Variants in ELP1 observed in about 807,000 individuals in gnomAD.
The protein encoded by ELP1 is elongator complex protein 1.
Under a neutral mutation model 183.2 loss-of-function variants are expected in ELP1, and 131 were observed. The observed-to-expected ratio is 0.72, with a 90% CI of 0.62 to 0.83. The LOEUF (loss-of-function observed/expected upper bound fraction) is 0.83, where lower values mean the gene tolerates loss of function less well. Ranked by LOEUF, ELP1 falls within the 40% of genes least tolerant of loss-of-function variation. The pLI, the probability that ELP1 is intolerant of heterozygous loss-of-function variation, is 0.00. For synonymous variants in ELP1, 555 were observed against 569.0 expected, an observed-to-expected ratio of 0.98 and a Z score of 0.35; for missense variants, 1,550 against 1,594.9, an observed-to-expected ratio of 0.97 and a Z score of 0.48.
rs926236782 is a variant in ELP1, at chr9:108,878,204, G to A, written c.3701-55C>T. On this transcript the variant is annotated intron_variant, in intron 34 of 36. Coordinates refer to ENST00000374647, the MANE Select transcript of ELP1 (RefSeq NM_003640.5). Reference sequence around the variant, plus strand: ...AGTTATATTCCCAGCTCCATTGACAGAATCATACATAGCTTCTATCCAAAG... The same window carrying A: ...AGTTATATTCCCAGCTCCATTGACAAAATCATACATAGCTTCTATCCAAAG... 13 of 1,490,086 alleles carry A rather than the reference G, an allele frequency of 8.7e-6. No homozygotes were observed. The African/African-American group carries it at 1.2e-4, about 14-fold the overall frequency. The allele number at this position is 1,490,086 out of a possible 1,614,324, so 92.3% of individuals were successfully genotyped here.
chr9:108,874,262 G>C (rs1463333175), intron 36 of ELP1, among the ~76,000 whole-genome samples: 1 of 151,320 alleles, frequency 6.6e-6, no homozygotes, highest in Non-Finnish European at 1.5e-5. Context: ...GGCAAATACT[G>C]AAAGTCCCAA....
In ELP1 at chr9:108,912,753, G is replaced by GT. The variant is rs554750757; in HGVS notation, c.959-260dup. ...AACTTTTATTCATATGTTTATTTTC[G>GT]TTTTTTTTTTTTTTTTATTGACACA... is the stretch of plus-strand genomic sequence containing the variant. On this transcript the variant is annotated intron_variant, in intron 10 of 36. Coordinates refer to ENST00000374647, the MANE Select transcript of ELP1 (RefSeq NM_003640.5). 0.11 allele frequency among the ~76,000 whole-genome samples: 14,242 copies of GT among 132,682 alleles called. 1,131 individuals are homozygous for GT. The highest frequency in any genetic ancestry group is 0.23 in the African/African-American group (8,038 of 35,440). The allele number at this position is 132,682 out of a possible 152,430, so 87.0% of individuals were successfully genotyped here.
chr9:108,920,304 C>CG (rs1159877542), intron 6 of ELP1, among the ~76,000 whole-genome samples: 1 of 136,298 alleles, frequency 7.3e-6, no homozygotes, highest in Non-Finnish European at 1.6e-5. Flanking sequence ...TTTTTTGAGA[C>CG]GGAGTCTTGC....
intron 28 of ELP1, among the ~76,000 whole-genome samples, chr9:108,889,983 C>T (rs1359663743): frequency 6.6e-6 from 1 of 152,176 alleles, no homozygotes; most frequent in Non-Finnish European, 1.5e-5. Flanking sequence ...AGAGTGACTC[C>T]AGTGTGTAAC....
In ELP1 at chr9:108,897,912, C is replaced by T. The variant is rs1828619076; in HGVS notation, c.2363+590G>A. 2.0e-5 allele frequency among the ~76,000 whole-genome samples: 3 copies of T among 152,220 alleles called. No homozygotes were observed. The South Asian group carries it at 6.2e-4, about 32-fold the overall frequency. ...GACATTTCACTGTAGATAAATATGA[C>T]CTGAAAAAACACAACAAAACCAACC... On this transcript the variant is annotated intron_variant, in intron 22 of 36. Coordinates refer to ENST00000374647, the MANE Select transcript of ELP1 (RefSeq NM_003640.5).
rs762072332 is a variant in ELP1 at position 108,901,559 on chromosome 9, T to C, written c.1909-29A>G. ...CAAGAGAAGGCCAGAGAGGCATGGG[T>C]GAAAGCTAGCTAGATTACTCGGAGC... On this transcript the variant is annotated intron_variant, in intron 17 of 36. Transcript: ENST00000374647. The C allele has an allele frequency of 3.1e-6, 5 of 1,610,612 alleles. No homozygotes were observed. The African/African-American group carries it at 5.3e-5, about 17-fold the overall frequency.
At chr9:108,907,298 T>C (rs1829056860) in intron 13 of ELP1, among the ~76,000 whole-genome samples, 1 of 152,040 alleles carries the variant, frequency 6.6e-6, no homozygotes, top group African/African-American at 2.4e-5. Context: ...TCCCCATCAA[T>C]TTTTTTTAAA....
At position 108,926,567 on chromosome 9, in the gene ELP1, T is replaced by C. The variant is rs535050583; in HGVS notation, c.422A>G (p.Glu141Gly). The change falls in exon 5 of 37, where the codon GAG becomes GGG. Residue 141 changes from glutamate to glycine, a missense_variant. Physicochemically the swap from Glu to Gly is moderately conservative, Grantham distance 98. Coordinates refer to ENST00000374647, the MANE Select transcript of ELP1 (RefSeq NM_003640.5). ...ATGGATCTGCTGCTCCAGGATTGGCTCAAAATCTTTTGTCATCATAATCAG... is the reference window on the plus strand; with the variant it reads ...ATGGATCTGCTGCTCCAGGATTGGCCCAAAATCTTTTGTCATCATAATCAG... ...QTLIMMTKDFEPILEQQIHQD... is the reference protein window; with the variant it reads ...QTLIMMTKDFGPILEQQIHQD... 6.2e-7 allele frequency: 1 copy of C among 1,613,160 alleles called. No individual in the cohort carries two copies. Among genetic ancestry groups the C allele is most frequent in the African/African-American group, 1.3e-5 (1 of 75,046 alleles).
chr9:108,919,007 G>A, intron 7 of ELP1, 106 bp from the exon 8 acceptor site: 2 of 895,088 alleles, frequency 2.2e-6, no homozygotes, highest in South Asian at 2.8e-5. Flanking sequence ...AAACTGCCAT[G>A]GTTTTACATA....
At chr9:108,889,670 G>A (rs918303437) in intron 28 of ELP1, 3 of 486,986 alleles carry the variant, frequency 6.2e-6, no homozygotes, top group East Asian at 3.9e-5. Flanking sequence ...AAACCACTTC[G>A]TCCCTTAACA....
intron 10 of ELP1, among the ~76,000 whole-genome samples, chr9:108,912,848 G>A (rs768862911): frequency 2.0e-5 from 3 of 147,724 alleles, no homozygotes; most frequent in South Asian, 2.3e-4. Context: ...TCCATCTCCC[G>A]GGTTCATGCC....
intron 10 of ELP1, 132 bp downstream of exon 10, chr9:108,916,072 T>A (rs1458170572): frequency 2.6e-6 from 2 of 772,498 alleles, no homozygotes; most frequent in East Asian, 2.5e-5. Context: ...ACCACCCCCA[T>A]TTCCACCTAC....
intron 34 of ELP1, among the ~76,000 whole-genome samples, 193 bp from the exon 35 acceptor site, chr9:108,878,342 G>A (rs1317552686): frequency 6.6e-6 from 1 of 152,134 alleles, no homozygotes; most frequent in Admixed American, 6.5e-5. Context: ...AAGCACGCTG[G>A]GGGGCCTACG....
chr9:108,907,947 T>C (rs1310996332), intron 13 of ELP1, among the ~76,000 whole-genome samples: 1 of 152,166 alleles, frequency 6.6e-6, no homozygotes. Flanking sequence ...AGAGGCTGCA[T>C]TAGGTCATCC....
intron 36 of ELP1, among the ~76,000 whole-genome samples, chr9:108,871,323 C>T (rs547058006): frequency 6.6e-6 from 1 of 152,200 alleles, no homozygotes; most frequent in East Asian, 1.9e-4. Context: ...TCAATGTCTT[C>T]GGTGTTGAAC....
At chr9:108,910,392 T>C (rs1353416062) in intron 12 of ELP1, among the ~76,000 whole-genome samples, 1 of 152,206 alleles carries the variant, frequency 6.6e-6, no homozygotes, top group African/African-American at 2.4e-5. Context: ...CAAAAGATAT[T>C]TGAAAACAAG....
At chr9:108,878,596 G>A in intron 34 of ELP1, 27 bp downstream of exon 34, 4 of 1,614,004 alleles carry the variant, frequency 2.5e-6, no homozygotes, top group Non-Finnish European at 3.4e-6. Flanking sequence ...TTGTGGTCAG[G>A]AATCATCATC....
chr9:108,877,165 C>A (rs968819618), intron 35 of ELP1, among the ~76,000 whole-genome samples: 6 of 152,180 alleles, frequency 3.9e-5, no homozygotes, highest in Non-Finnish European at 8.8e-5. Context: ...GTTCAAGAGC[C>A]AGCTCTACAG....
intron 10 of ELP1, among the ~76,000 whole-genome samples, chr9:108,914,213 C>G (rs1327719387): frequency 6.6e-6 from 1 of 151,790 alleles, no homozygotes; most frequent in Non-Finnish European, 1.5e-5. Flanking sequence ...TCCTGGCTAA[C>G]GCGGTGAAAC....
Sources: allele counts gnomAD v4.1 joint callset (sites outside exome capture counted in the v4.1 genomes callset), GRCh38; gene constraint gnomAD v4.1.1; transcripts MANE v1.5; gene names NCBI Gene and HGNC (gene_info 2026-07-23, HGNC 2026-07-21).